Variants in LRMDA observed in about 807,000 individuals in gnomAD.
LRMDA encodes the protein leucine rich melanocyte differentiation associated.
LRMDA carries 18 observed loss-of-function variants against 29.8 expected under a neutral mutation model. The observed-to-expected ratio is 0.60, with a 90% CI of 0.42 to 0.90. The LOEUF is 0.90. Ranked by LOEUF, LRMDA falls within the 40% of genes least tolerant of loss-of-function variation. The probability of loss-of-function intolerance (pLI) is 0.00; values close to 1 mark genes in which losing one functional copy is unlikely to be tolerated. For missense variants in LRMDA, 273 were observed against 273.9 expected, an observed-to-expected ratio of 1.00 and a Z score of 0.02; for synonymous variants, 125 against 109.4, an observed-to-expected ratio of 1.14 and a Z score of -0.89.
chr10:76,027,348 A>C (rs1848079174), intron 2 of LRMDA, among the ~76,000 whole-genome samples: 1 of 152,208 alleles, frequency 6.6e-6, no homozygotes, highest in African/African-American at 2.4e-5. Context: ...TGTATGTGGA[A>C]TTGTCTTGTT....
chr10:76,337,435 G>A (rs1388901575), intron 6 of LRMDA, among the ~76,000 whole-genome samples: 1 of 152,162 alleles, frequency 6.6e-6, no homozygotes, highest in African/African-American at 2.4e-5. Context: ...AGATGATGGT[G>A]GAGTAAAGAC....
At chr10:75,577,529 T>C (rs1030887234) in intron 2 of LRMDA, among the ~76,000 whole-genome samples, 1 of 152,010 alleles carries the variant, frequency 6.6e-6, no homozygotes, top group Admixed American at 6.5e-5. Flanking sequence ...AATTCGGAAA[T>C]ACAGAGAACA....
intron 2 of LRMDA, among the ~76,000 whole-genome samples, chr10:75,812,369 A>G (rs943779392): frequency 2.0e-5 from 3 of 152,164 alleles, no homozygotes; most frequent in African/African-American, 7.2e-5. Context: ...ATTAGCACGT[A>G]CAATGTGTCT....
At chr10:76,109,438 G>A (rs1183204827) in intron 5 of LRMDA, among the ~76,000 whole-genome samples, 1 of 152,128 alleles carries the variant, frequency 6.6e-6, no homozygotes, top group African/African-American at 2.4e-5. Flanking sequence ...CGTCCTCTGG[G>A]GAAACAGAGT....
intron 2 of LRMDA, among the ~76,000 whole-genome samples, chr10:75,474,028 C>T (rs143898517): frequency 6.6e-6 from 1 of 152,294 alleles, no homozygotes; most frequent in Non-Finnish European, 1.5e-5. Flanking sequence ...GTTTGTGGAC[C>T]ACGTGAGACA....
intron 5 of LRMDA, among the ~76,000 whole-genome samples, chr10:76,237,153 G>A (rs1051144901): frequency 9.2e-5 from 14 of 152,108 alleles, no homozygotes; most frequent in African/African-American, 3.1e-4. Flanking sequence ...TACTGCATTC[G>A]AGCCTGGGCA....
intron 2 of LRMDA, among the ~76,000 whole-genome samples, chr10:75,965,315 C>T (rs1846839550): frequency 6.6e-6 from 1 of 152,250 alleles, no homozygotes; most frequent in South Asian, 2.1e-4. Context: ...TACTGAGTAA[C>T]AAACATTACC....
intron 6 of LRMDA, among the ~76,000 whole-genome samples, chr10:76,462,773 C>T (rs1842526392): frequency 6.6e-6 from 1 of 152,202 alleles, no homozygotes; most frequent in African/African-American, 2.4e-5. Context: ...GTGCCTCCCA[C>T]ATTGGACAAC....
At chr10:76,102,340 A>G (rs1849407357) in intron 5 of LRMDA, among the ~76,000 whole-genome samples, 1 of 152,174 alleles carries the variant, frequency 6.6e-6, no homozygotes, top group African/African-American at 2.4e-5. Flanking sequence ...TTACCCAGGT[A>G]ATAAGCACAA....
At chr10:76,471,367 G>A (rs1842615985) in intron 6 of LRMDA, among the ~76,000 whole-genome samples, 1 of 151,652 alleles carries the variant, frequency 6.6e-6, no homozygotes, top group Admixed American at 6.6e-5. Flanking sequence ...AATTAAGTTA[G>A]CATATATCTG....
chr10:76,197,370 T>G (rs1851347956), intron 5 of LRMDA, among the ~76,000 whole-genome samples: 1 of 152,200 alleles, frequency 6.6e-6, no homozygotes, highest in Admixed American at 6.5e-5. Context: ...ATTCATTATT[T>G]TATTGCATTT....
chr10:76,254,180 C>A (rs1852538100), intron 5 of LRMDA, among the ~76,000 whole-genome samples: 1 of 152,064 alleles, frequency 6.6e-6, no homozygotes, highest in African/African-American at 2.4e-5. Flanking sequence ...AACCTTCCTT[C>A]CTTGTTGTCA....
chr10:75,558,182 G>A (rs942078774), intron 2 of LRMDA, among the ~76,000 whole-genome samples: 3 of 115,376 alleles, frequency 2.6e-5, no homozygotes, highest in Non-Finnish European at 3.6e-5. Flanking sequence ...TTTGGTCCTT[G>A]TCTTCCTTGC....
intron 2 of LRMDA, among the ~76,000 whole-genome samples, chr10:75,628,332 C>G (rs1021192693): frequency 6.6e-6 from 1 of 152,170 alleles, no homozygotes; most frequent in African/African-American, 2.4e-5. Flanking sequence ...TGGTCTGTGA[C>G]TTGAGCTTTA....
At chr10:75,882,180 T>C (rs1845305475) in intron 2 of LRMDA, among the ~76,000 whole-genome samples, 1 of 152,164 alleles carries the variant, frequency 6.6e-6, no homozygotes, top group Non-Finnish European at 1.5e-5. Flanking sequence ...CGGGCAAAAC[T>C]GAACCTGGGG....
In LRMDA at chr10:75,692,564, CGTGTGTGTGTGTGTGTGTGTGTGTGT is replaced by C. The variant is rs10553888; in HGVS notation, c.131+254087_131+254112del. On this transcript the variant is annotated intron_variant, in intron 2 of 6. Transcript: ENST00000611255. Reference sequence around the variant, plus strand: ...ATATATACACATATACATATGTATACGTGTGTGTGTGTGTGTGTGTGTGTGTGTGTGTGTGTGTGTGTATGTGTATG... The same window carrying C: ...ATATATACACATATACATATGTATACGTGTGTGTGTGTGTGTATGTGTATG... Among the ~76,000 whole-genome samples the C allele has an allele frequency of 8.6e-4, 121 of 140,266 alleles. No individual in the cohort carries two copies. The Middle Eastern group carries it at 0.029, about 33-fold the overall frequency. The allele number at this position is 140,266 out of a possible 152,430, so 92.0% of individuals were successfully genotyped here.
chr10:76,404,085 A>G (rs368690382), intron 6 of LRMDA, among the ~76,000 whole-genome samples: 3 of 152,130 alleles, frequency 2.0e-5, no homozygotes, highest in East Asian at 3.9e-4. Context: ...TGTCTTGCAT[A>G]TACTAGCACT....
chr10:75,877,997 C>A, intron 2 of LRMDA, among the ~76,000 whole-genome samples: 1 of 152,090 alleles, frequency 6.6e-6, no homozygotes, highest in Non-Finnish European at 1.5e-5. Flanking sequence ...TGCTGAAACC[C>A]CTTGGGGAAG....
chr10:76,506,598 A>G (rs1342037211), intron 6 of LRMDA, among the ~76,000 whole-genome samples: 2 of 152,066 alleles, frequency 1.3e-5, no homozygotes, highest in East Asian at 1.9e-4. Context: ...TTTTGTAGCT[A>G]TCAACCAACT....
Sources: gnomAD v4.1 joint callset for allele counts (sites outside exome capture counted in the v4.1 genomes callset) on GRCh38, gnomAD v4.1.1 for gene constraint, MANE v1.5 for transcripts, NCBI Gene and HGNC (gene_info 2026-07-23, HGNC 2026-07-21) for gene names.